Variants in NKAIN4 observed in about 807,000 individuals in gnomAD.
NKAIN4 encodes the protein sodium/potassium-transporting ATPase subunit beta-1-interacting protein 4.
A neutral mutation model predicts 28.8 loss-of-function variants in NKAIN4; 28 were observed. That is an observed-to-expected ratio of 0.97 (90% CI 0.72 to 1.33). The LOEUF is 1.33. Ranked by LOEUF, NKAIN4 falls within the 40% of genes most tolerant of loss-of-function variation. NKAIN4 has a pLI of 0.00. For synonymous variants in NKAIN4, 122 were observed against 115.6 expected (o/e 1.06, Z -0.36); for missense variants, 289 against 277.2 (o/e 1.04, Z -0.30).
chr20:63,242,181 G>A (rs755548034), intron 6 of NKAIN4, among the ~76,000 whole-genome samples: 12 of 152,142 alleles, frequency 7.9e-5, no homozygotes, highest in Non-Finnish European at 1.5e-4. Context: ...CCCAGCTCCT[G>A]CCACAGAGAG....
At chr20:63,242,187 G>A (rs1280050057) in intron 6 of NKAIN4, among the ~76,000 whole-genome samples, 1 of 152,158 alleles carries the variant, frequency 6.6e-6, no homozygotes, top group Non-Finnish European at 1.5e-5. Context: ...TCCTGCCACA[G>A]AGAGACCCCT....
At chr20:63,244,690 G>A (rs2123069476) in intron 4 of NKAIN4, 1 of 380,434 alleles carries the variant, frequency 2.6e-6, no homozygotes. Context: ...CCAGGGCAGA[G>A]GGCAGGCCGC....
intron 4 of NKAIN4, 104 bp downstream of exon 4, chr20:63,247,474 G>A: frequency 6.5e-7 from 1 of 1,547,898 alleles, no homozygotes; most frequent in South Asian, 1.2e-5. Flanking sequence ...AGACACGCCT[G>A]AGGCCAGGTC....
Position 63,251,359 on chromosome 20 carries a change from G to A in NKAIN4, c.55-1287C>T, listed in dbSNP as rs1007789277. 7.9e-5 allele frequency among the ~76,000 whole-genome samples: 12 copies of A among 152,132 alleles called. No homozygotes were observed. In the South Asian group the frequency reaches 1.5e-3, roughly 18 times the overall value. On this transcript the variant is annotated intron_variant, in intron 1 of 6. Coordinates refer to ENST00000370316, the MANE Select transcript of NKAIN4 (RefSeq NM_152864.4). ...GTTAGGCCTCCGGATAACTGCGGGC[G>A]GGCCTGACTGATGTCAGGTCCTCCA...
chr20:63,247,926 C>T, intron 3 of NKAIN4, 151 bp from the exon 4 acceptor site: 2 of 1,197,156 alleles, frequency 1.7e-6, no homozygotes, highest in South Asian at 5.4e-5. Context: ...GCCCCCAGGG[C>T]TCCAGCCATG....
chr20:63,251,531 C>T (rs556796773), intron 1 of NKAIN4, among the ~76,000 whole-genome samples: 18 of 152,276 alleles, frequency 1.2e-4, no homozygotes, highest in African/African-American at 3.8e-4. Context: ...TCTTCCCAGA[C>T]GCTGGTGTCA....
Position 63,241,460 on chromosome 20 carries a change from C to T in NKAIN4, c.*37G>A, listed in dbSNP as rs1414900065. ...CATTGTCACTGGTCGGTCGCTGAGG[C>T]TGGAGGCCACAGGAGCAGGATCAGC... On this transcript the variant is annotated 3_prime_UTR_variant, in exon 7 of 7. Transcript: ENST00000370316. The T allele has an allele frequency of 3.9e-6, 6 of 1,549,970 alleles. No individual in the cohort carries two copies. The African/African-American group carries it at 5.5e-5, about 14-fold the overall frequency.
At position 63,242,282 on chromosome 20, in the gene NKAIN4, CCCCCT is replaced by C. The variant is rs370746784; in HGVS notation, c.617+252_617+256del. The stretch of plus-strand genomic sequence containing the variant: ...ACTCAGAGCCGACTCCTGGACCCAA[CCCCCT>C]CCCACAGTCTCCATCTCTGCTGGGC... On this transcript the variant is annotated intron_variant, in intron 6 of 6. Coordinates refer to ENST00000370316, the MANE Select transcript of NKAIN4 (RefSeq NM_152864.4). Among the ~76,000 whole-genome samples the C allele has an allele frequency of 5.7e-3, 866 of 151,678 alleles. 7 individuals carry two copies. Among genetic ancestry groups the C allele is most frequent in the African/African-American group, 0.02 (806 of 40,944 alleles).
In NKAIN4 at chr20:63,241,097, C is replaced by T. The variant is rs1433338653; in HGVS notation, c.*400G>A. ...TCACATTGACTTCCTGGGGAGGCTG[C>T]ATCCCAGCAGCAGTGCTTGCAGCCC... On this transcript the variant is annotated 3_prime_UTR_variant, in exon 7 of 7. Coordinates refer to ENST00000370316, the MANE Select transcript of NKAIN4 (RefSeq NM_152864.4). 8.8e-6 allele frequency: 2 copies of T among 226,700 alleles called. No individual in the cohort carries two copies. Among genetic ancestry groups the T allele is most frequent in the East Asian group, 1.4e-4 (1 of 7,114 alleles). The allele number at this position is 226,700 out of a possible 1,614,324, so 14.0% of individuals were successfully genotyped here.
chr20:63,246,977 C>CCGGAGAGGA, intron 4 of NKAIN4: 1 of 994,602 alleles, frequency 1.0e-6, no homozygotes, highest in Non-Finnish European at 1.2e-6. Context: ...CCGTGCAGGG[C>CCGGAGAGGA]CGGAGAGGAC....
At chr20:63,251,115 T>C (rs888374383) in intron 1 of NKAIN4, among the ~76,000 whole-genome samples, 2 of 152,000 alleles carry the variant, frequency 1.3e-5, no homozygotes, top group South Asian at 4.2e-4. Flanking sequence ...GGGTCACATG[T>C]CCACTGGCCA....
In NKAIN4 at chr20:63,254,379, G is replaced by A; in HGVS notation, c.54+18C>T. On this transcript the variant is annotated intron_variant, in intron 1 of 6. Coordinates refer to ENST00000370316, the MANE Select transcript of NKAIN4 (RefSeq NM_152864.4). ...GCACCGGGGGCTCCAGGAGGCTCGC[G>A]GAGGGGTCGCCACTCACCAGCTGAA... 1 of 1,445,584 alleles carries A rather than the reference G, an allele frequency of 6.9e-7. No individual in the cohort carries two copies. The highest frequency in any genetic ancestry group is 2.4e-4 in the Middle Eastern group (1 of 4,122). The allele number at this position is 1,445,584 out of a possible 1,614,324, so 89.5% of individuals were successfully genotyped here.
chr20:63,246,216 C>G (rs1332254001), intron 4 of NKAIN4, among the ~76,000 whole-genome samples: 3 of 152,216 alleles, frequency 2.0e-5, no homozygotes, highest in African/African-American at 7.2e-5. Context: ...GTGTGAGCCA[C>G]CGCACCCAGC....
intron 4 of NKAIN4, chr20:63,246,780 C>A: frequency 1.0e-6 from 1 of 985,490 alleles, no homozygotes; most frequent in Non-Finnish European, 1.2e-6. Context: ...ACCGAGCACC[C>A]TCCACACACC....
In NKAIN4 at chr20:63,242,626, G is replaced by A. The variant is rs1257682907; in HGVS notation, c.533-3C>T. ...ATCAAATCCACCAATGAAATCAACTGAAAGAAATCAAGACCCAAATAAAAC... is the reference window on the plus strand; with the variant it reads ...ATCAAATCCACCAATGAAATCAACTAAAAGAAATCAAGACCCAAATAAAAC... On this transcript the variant is annotated splice_region_variant and splice_polypyrimidine_tract_variant and intron_variant, in intron 5 of 6. Coordinates refer to ENST00000370316, the MANE Select transcript of NKAIN4 (RefSeq NM_152864.4). 3 of 1,609,092 alleles carry A rather than the reference G, an allele frequency of 1.9e-6. No homozygotes were observed. Among genetic ancestry groups the A allele is most frequent in the Admixed American group, 1.7e-5 (1 of 60,016 alleles).
At chr20:63,246,975 G>T in intron 4 of NKAIN4, 1 of 994,422 alleles carries the variant, frequency 1.0e-6, no homozygotes, top group Non-Finnish European at 1.2e-6. Flanking sequence ...ACCCGTGCAG[G>T]GCCGGAGAGG....
chr20:63,244,182 A>G (rs1485376091), intron 4 of NKAIN4, 98 bp from the exon 5 acceptor site: 1 of 1,039,600 alleles, frequency 9.6e-7, no homozygotes, highest in Non-Finnish European at 1.5e-6. Flanking sequence ...GCCCCTGACC[A>G]CCAAGGCCCT....
chr20:63,254,418 G>T lies in NKAIN4; in HGVS notation c.33C>A (p.Val11=). 1.4e-6 allele frequency: 2 copies of T among 1,445,426 alleles called. No homozygotes were observed. The highest frequency in any genetic ancestry group is 1.8e-6 in the Non-Finnish European group (2 of 1,099,936). The allele number at this position is 1,445,426 out of a possible 1,614,324, so 89.5% of individuals were successfully genotyped here. A position where few individuals can be genotyped will look rare whatever the true frequency, so the allele number is the denominator to read the frequency against. MGSCSGRCAL[V]VLCAFQLVAA... ...TCACCAGCTGAAAAGCGCAGAGGAC[G>T]ACGAGCGCGCAGCGGCCGGAGCAGG... Residue 11 remains valine (V), a synonymous_variant, in exon 1 of 7, where the codon GTC becomes GTA. Coordinates refer to ENST00000370316, the MANE Select transcript of NKAIN4 (RefSeq NM_152864.4).
chr20:63,242,538 C>T lies in NKAIN4; in HGVS notation c.617+1G>A, dbSNP rs1274313444. 4 of 1,609,324 alleles carry T rather than the reference C, an allele frequency of 2.5e-6. No homozygotes were observed. The highest frequency in any genetic ancestry group is 3.4e-6 in the Non-Finnish European group (4 of 1,175,928). On this transcript the variant is annotated splice_donor_variant, in intron 6 of 6. Transcript: ENST00000370316. LOFTEE classifies it high-confidence loss of function. ...GAGCAGGTTCTGCCAGCCATACTTA[C>T]AAGTACACCTGCTTGGACAAGAGAC...
Sources: allele counts gnomAD v4.1 joint callset (sites outside exome capture counted in the v4.1 genomes callset), GRCh38; gene constraint gnomAD v4.1.1; transcripts MANE v1.5; gene names NCBI Gene and HGNC (gene_info 2026-07-23, HGNC 2026-07-21).